DNMT1: variants seen among roughly 807,000 people sequenced by gnomAD.
The protein encoded by DNMT1 is DNA methyltransferase 1.
Under a neutral mutation model 205.3 loss-of-function variants are expected in DNMT1, and 24 were observed. The observed-to-expected ratio is 0.12, with a 90% CI of 0.08 to 0.16. The LOEUF (loss-of-function observed/expected upper bound fraction) is 0.16, where lower values mean the gene tolerates loss of function less well. DNMT1 is among the 10% of genes least tolerant of loss of function. The probability of loss-of-function intolerance (pLI) is 1.00; values close to 1 mark genes in which losing one functional copy is unlikely to be tolerated. For missense variants in DNMT1, 1,293 were observed against 2,177.7 expected (o/e 0.59, Z 8.09); for synonymous variants, 817 against 839.8 (o/e 0.97, Z 0.47).
intron 1 of DNMT1, among the ~76,000 whole-genome samples, chr19:10,193,122 G>A (rs1293731800): frequency 6.6e-6 from 1 of 152,136 alleles, no homozygotes; most frequent in African/African-American, 2.4e-5. Context: ...GGGACACAAA[G>A]GCAGGAGGAC....
intron 31 of DNMT1, 95 bp downstream of exon 31, chr19:10,141,010 C>A: frequency 1.2e-6 from 2 of 1,612,760 alleles, no homozygotes; most frequent in South Asian, 2.2e-5. Context: ...GTCCCAGAGT[C>A]AGTAACACCA....
chr19:10,163,244 G>C, intron 12 of DNMT1, 82 bp downstream of exon 12: 11 of 1,506,852 alleles, frequency 7.3e-6, no homozygotes, highest in Non-Finnish European at 1.0e-5. Flanking sequence ...TGGGATTACA[G>C]GTGCAAGCCA....
At chr19:10,147,263 G>A (rs889015922) in intron 27 of DNMT1, among the ~76,000 whole-genome samples, 1 of 146,578 alleles carries the variant, frequency 6.8e-6, no homozygotes, top group African/African-American at 2.5e-5. Flanking sequence ...CCCTGTCTCA[G>A]ATAAATAAAT....
At position 10,134,210 on chromosome 19, in the gene DNMT1, A is replaced by C. The variant is rs774738413; in HGVS notation, c.4864+7T>G. The stretch of plus-strand genomic sequence containing the variant: ...CCCCAGAGGAAGCCTGGCCCACCCC[A>C]CCATACCTGAGGCACTCTCTCGGGC... On this transcript the variant is annotated splice_region_variant and intron_variant, in intron 40 of 40. Coordinates refer to ENST00000359526, the MANE Select transcript of DNMT1 (RefSeq NM_001130823.3). 2 of 1,614,140 alleles carry C rather than the reference A, an allele frequency of 1.2e-6. No homozygotes were observed. Among genetic ancestry groups the C allele is most frequent in the Non-Finnish European group, 1.7e-6 (2 of 1,180,030 alleles).
At chr19:10,186,618 C>A (rs772303760) in intron 1 of DNMT1, among the ~76,000 whole-genome samples, 1 of 151,944 alleles carries the variant, frequency 6.6e-6, no homozygotes, top group Non-Finnish European at 1.5e-5. Flanking sequence ...GCGGGCGGAT[C>A]ACCTGAGGTC....
At position 10,173,146 on chromosome 19, in the gene DNMT1, G is replaced by T; in HGVS notation, c.712C>A (p.Pro238Thr). Residue 238 changes from proline to threonine, a missense_variant, in exon 9 of 41, where the codon CCT becomes ACT. Physicochemically the swap from Pro to Thr is conservative, Grantham distance 38. Coordinates refer to ENST00000359526, the MANE Select transcript of DNMT1 (RefSeq NM_001130823.3). ...CGCGTTCCTGATTTTGCTCTTTCAG[G>T]TTCTTCTGCAGGAAGCGGTCTAGCA... is the stretch of plus-strand genomic sequence containing the variant. ...RVARPLPAEE[P>T]ERAKSGTRTE... is the part of the protein sequence containing the mutation. 1 of 1,614,058 alleles carries T rather than the reference G, an allele frequency of 6.2e-7. No homozygotes were observed. The highest frequency in any genetic ancestry group is 8.5e-7 in the Non-Finnish European group (1 of 1,180,028).
At chr19:10,141,787 C>G (rs1185815924) in intron 30 of DNMT1, 1 of 559,690 alleles carries the variant, frequency 1.8e-6, no homozygotes, top group Non-Finnish European at 3.2e-6. Context: ...TAATGACGTA[C>G]TTTTTAAAAA....
Position 10,137,120 on chromosome 19 carries a change from G to A in DNMT1, c.4454C>T (p.Ser1485Phe). The A allele has an allele frequency of 6.2e-7, 1 of 1,611,978 alleles. No homozygotes were observed. The part of the protein sequence containing the change: ...HHDRKNGRSS[S>F]GALRGVCSCV... ...GGAGCAGACCCCACGGAGGGCCCCA[G>A]AGCTGCTGCGGCCGTTCTTCCTGTC... Residue 1485 changes from serine to phenylalanine, a missense_variant, in exon 37 of 41, where the codon TCT becomes TTT. Coordinates refer to ENST00000359526, the MANE Select transcript of DNMT1 (RefSeq NM_001130823.3). The surrounding 1 kb of genome is among the most constrained non-coding windows in gnomAD (Gnocchi z 6.4).
intron 1 of DNMT1, among the ~76,000 whole-genome samples, chr19:10,183,966 A>C (rs1259699763): frequency 6.6e-6 from 1 of 152,204 alleles, no homozygotes; most frequent in Admixed American, 6.6e-5. Flanking sequence ...AGGAAGGAAG[A>C]TCACCTGAGC....
At chr19:10,152,207 ATCACACAGCCCTTACTAACAATGAGAC>A (rs2038361190) in intron 22 of DNMT1, among the ~76,000 whole-genome samples, 1 of 149,476 alleles carries the variant, frequency 6.7e-6, no homozygotes, top group African/African-American at 2.5e-5. Flanking sequence ...AAAAGGGCAA[ATCACACAGCCCTTACTAACAATGAGAC>A]AAATGATGCA....
intron 1 of DNMT1, among the ~76,000 whole-genome samples, chr19:10,193,422 C>T (rs1158423821): frequency 6.6e-6 from 1 of 151,896 alleles, no homozygotes; most frequent in African/African-American, 2.4e-5. Context: ...TGCAATAGCG[C>T]GATCTCAGCT....
chr19:10,148,131 A>T (rs2038241098), intron 27 of DNMT1, among the ~76,000 whole-genome samples: 1 of 147,518 alleles, frequency 6.8e-6, no homozygotes, highest in African/African-American at 2.5e-5. Flanking sequence ...AAAAAAAAAA[A>T]AAAAAAATTA....
At chr19:10,188,773 G>C (rs1343361254) in intron 1 of DNMT1, among the ~76,000 whole-genome samples, 5 of 152,164 alleles carry the variant, frequency 3.3e-5, no homozygotes, top group Admixed American at 1.3e-4. Flanking sequence ...GTCAGAGAGA[G>C]ATGCAACCCG....
In DNMT1 at chr19:10,137,552, G is replaced by T; in HGVS notation, c.4294-272C>A. On this transcript the variant is annotated intron_variant, in intron 36 of 40. Coordinates refer to ENST00000359526, the MANE Select transcript of DNMT1 (RefSeq NM_001130823.3). The surrounding 1 kb of genome is among the most constrained non-coding windows in gnomAD (Gnocchi z 6.4). ...GGGGATGGTGAAAGGGCTGGTCTTGGCATCCTGGGAAAACATGCGGGGAGA... is the reference window on the plus strand; with the variant it reads ...GGGGATGGTGAAAGGGCTGGTCTTGTCATCCTGGGAAAACATGCGGGGAGA... 1 of 640,072 alleles carries T rather than the reference G, an allele frequency of 1.6e-6. No homozygotes were observed. Among genetic ancestry groups the T allele is most frequent in the Non-Finnish European group, 2.7e-6 (1 of 369,874 alleles). 39.6% of individuals were successfully genotyped at this position (640,072 alleles called of 1,614,324 possible).
At chr19:10,165,774 G>A (rs886215980) in intron 11 of DNMT1, among the ~76,000 whole-genome samples, 3 of 152,200 alleles carry the variant, frequency 2.0e-5, no homozygotes, top group Non-Finnish European at 4.4e-5. Flanking sequence ...AGGGCAGGGA[G>A]TAATGTGACT....
chr19:10,140,863 C>T lies in DNMT1; in HGVS notation c.3441G>A (p.Glu1147=). 1 of 1,614,220 alleles carries T rather than the reference C, an allele frequency of 6.2e-7. No homozygotes were observed. The highest frequency in any genetic ancestry group is 8.5e-7 in the Non-Finnish European group (1 of 1,180,050). Residue 1147 remains glutamate (E), a synonymous_variant, in exon 32 of 41, where the codon GAG becomes GAA. Coordinates refer to ENST00000359526, the MANE Select transcript of DNMT1 (RefSeq NM_001130823.3). The surrounding 1 kb of genome is among the most constrained non-coding windows in gnomAD (Gnocchi z 8.4). ...GCAGCTTGGGCAGCTTGATCTCTAT[C>T]TCTGGCTCGCTCGGCTCACAGGCTT... ...KSQACEPSEP[E]IEIKLPKLRT...
intron 17 of DNMT1, among the ~76,000 whole-genome samples, chr19:10,157,300 C>T (rs575040862): frequency 3.3e-5 from 5 of 152,216 alleles, no homozygotes; most frequent in East Asian, 1.9e-4. Flanking sequence ...TTATATTATA[C>T]GAGTTAGACC....
intron 1 of DNMT1, among the ~76,000 whole-genome samples, chr19:10,188,259 A>G (rs2039233798): frequency 6.6e-6 from 1 of 151,994 alleles, no homozygotes. Flanking sequence ...GAGTAGACCC[A>G]CTGGGCACAG....
intron 9 of DNMT1, among the ~76,000 whole-genome samples, chr19:10,170,717 A>C (rs2038798575): frequency 6.6e-6 from 1 of 152,190 alleles, no homozygotes; most frequent in Non-Finnish European, 1.5e-5. Context: ...TAAGCTCCCA[A>C]GTAAGGCACT....
Sources: gnomAD v4.1 joint callset for allele counts (sites outside exome capture counted in the v4.1 genomes callset) on GRCh38, gnomAD v4.1.1 for gene constraint, Gnocchi (gnomAD v3.1) non-coding constraint, MANE v1.5 for transcripts, NCBI Gene and HGNC (gene_info 2026-07-23, HGNC 2026-07-21) for gene names.